Variants in DHX35 observed in about 807,000 individuals in gnomAD.
The protein encoded by DHX35 is DEAH-box helicase 35, also known as probable ATP-dependent RNA helicase DHX35.
A neutral mutation model predicts 99.6 loss-of-function variants in DHX35; 84 were observed. The ratio of observed to expected loss-of-function variants is 0.84; its 90% CI spans 0.71 to 1.01. The LOEUF (loss-of-function observed/expected upper bound fraction) is 1.01. Ranked by LOEUF, DHX35 falls within the 50% of genes least tolerant of loss-of-function variation. DHX35 has a pLI of 0.00. For synonymous variants in DHX35, 331 were observed against 316.2 expected, an observed-to-expected ratio of 1.05 and a Z score of -0.50; for missense variants, 852 against 888.5, an observed-to-expected ratio of 0.96 and a Z score of 0.52.
At chr20:39,010,111 T>C (rs997135455) in intron 12 of DHX35, among the ~76,000 whole-genome samples, 169 bp from the exon 13 acceptor site, 1 of 152,238 alleles carries the variant, frequency 6.6e-6, no homozygotes, top group African/African-American at 2.4e-5. Context: ...AAAAATAGAA[T>C]GGTCTTTCCT....
intron 18 of DHX35, among the ~76,000 whole-genome samples, chr20:39,028,117 G>C (rs1016486372): frequency 6.6e-6 from 1 of 152,204 alleles, no homozygotes; most frequent in African/African-American, 2.4e-5. Flanking sequence ...GCACTCTTAG[G>C]TTCTGGTGCC....
intron 1 of DHX35, among the ~76,000 whole-genome samples, chr20:38,965,074 T>G (rs919240782): frequency 2.7e-5 from 4 of 148,610 alleles, no homozygotes; most frequent in Non-Finnish European, 4.5e-5. Context: ...AATTAGAACT[T>G]TGGAGGCCTA....
chr20:39,026,386 A>G (rs1411582955), intron 18 of DHX35, among the ~76,000 whole-genome samples: 1 of 152,224 alleles, frequency 6.6e-6, no homozygotes, highest in Admixed American at 6.5e-5. Context: ...TTATACTAAG[A>G]GCAAGTGATT....
At chr20:38,969,017 AAACTT>A in intron 1 of DHX35, 59 bp from the exon 2 acceptor site, 1 of 1,488,152 alleles carries the variant, frequency 6.7e-7, no homozygotes, top group South Asian at 1.4e-5. Flanking sequence ...GAAAGTTTAT[AAACTT>A]AACACCTTTT....
At chr20:38,968,083 G>C (rs912395903) in intron 1 of DHX35, among the ~76,000 whole-genome samples, 1 of 152,202 alleles carries the variant, frequency 6.6e-6, no homozygotes, top group Admixed American at 6.5e-5. Context: ...GTGAGGGTAG[G>C]GCTGGCATCT....
Position 39,022,269 on chromosome 20 carries a change from A to T in DHX35, c.1593+334A>T, listed in dbSNP as rs369568777. ...GCACTCTGCCTCCCAGGTTCAAGTG[A>T]TGCTCCTGCCTCCCATGTAGCTAGG... is the stretch of plus-strand genomic sequence containing the variant. On this transcript the variant is annotated intron_variant, in intron 16 of 21. Transcript: ENST00000252011. 1.2e-4 allele frequency among the ~76,000 whole-genome samples: 18 copies of T among 152,130 alleles called. No individual in the cohort carries two copies. In the East Asian group the frequency reaches 2.5e-3, roughly 21 times the overall value.
At chr20:38,980,818 T>C (rs560828977) in intron 3 of DHX35, among the ~76,000 whole-genome samples, 41 of 152,322 alleles carry the variant, frequency 2.7e-4, no homozygotes, top group Non-Finnish European at 4.3e-4. Context: ...TCAGTTTTCT[T>C]ACTAAGGTTC....
At chr20:39,025,463 C>T in intron 18 of DHX35, 104 bp downstream of exon 18, 1 of 1,385,966 alleles carries the variant, frequency 7.2e-7, no homozygotes, top group Non-Finnish European at 9.8e-7. Flanking sequence ...GTGGCGTGCT[C>T]TGTACCAACA....
chr20:39,007,239 T>C (rs1313039399), intron 12 of DHX35, among the ~76,000 whole-genome samples: 1 of 152,236 alleles, frequency 6.6e-6, no homozygotes, highest in Non-Finnish European at 1.5e-5. Context: ...TGTTGATCTT[T>C]CTTTTAGCAG....
In DHX35 at chr20:39,005,713, A is replaced by G. The variant is rs1375783612; in HGVS notation, c.1012-433A>G. Among the ~76,000 whole-genome samples, 10 of 152,188 alleles carry G rather than the reference A, an allele frequency of 6.6e-5. 1 individual carries two copies. The highest frequency in any genetic ancestry group is 5.9e-4 in the Admixed American group (9 of 15,278). On this transcript the variant is annotated intron_variant, in intron 11 of 21. Coordinates refer to ENST00000252011, the MANE Select transcript of DHX35 (RefSeq NM_021931.4). Reference sequence around the variant, plus strand: ...TATCCTACATCCCAGCACCTTGAACAGTGCTTGGCAAAGTGCACACCCTCA... The same window carrying G: ...TATCCTACATCCCAGCACCTTGAACGGTGCTTGGCAAAGTGCACACCCTCA...
chr20:38,989,911 A>G (rs2086311811), intron 5 of DHX35, among the ~76,000 whole-genome samples: 1 of 152,224 alleles, frequency 6.6e-6, no homozygotes, highest in South Asian at 2.1e-4. Flanking sequence ...AATCTGATGA[A>G]ATGAAAATTG....
At chr20:38,973,412 A>T (rs957439111) in intron 3 of DHX35, among the ~76,000 whole-genome samples, 2 of 152,204 alleles carry the variant, frequency 1.3e-5, no homozygotes, top group African/African-American at 2.4e-5. Context: ...CAGCACCCAG[A>T]TCAAGAAGCA....
intron 1 of DHX35, 83 bp downstream of exon 1, chr20:38,962,490 G>A: frequency 1.3e-6 from 2 of 1,534,558 alleles, no homozygotes; most frequent in Non-Finnish European, 1.8e-6. Context: ...GGGGCCAGCA[G>A]ACCTGCTCGC....
chr20:38,980,468 A>C (rs182098104), intron 3 of DHX35, among the ~76,000 whole-genome samples: 123 of 151,692 alleles, frequency 8.1e-4, no homozygotes, highest in Non-Finnish European at 1.5e-3. Context: ...CCTGGCACTT[A>C]ATAAGGTACT....
At chr20:39,002,521 C>T (rs1434047680) in intron 9 of DHX35, among the ~76,000 whole-genome samples, 2 of 152,152 alleles carry the variant, frequency 1.3e-5, no homozygotes, top group African/African-American at 2.4e-5. Flanking sequence ...GATAGCACAT[C>T]TATTTGTATG....
At chr20:39,030,492 C>A in intron 19 of DHX35, 1 of 554,660 alleles carries the variant, frequency 1.8e-6, no homozygotes, top group Non-Finnish European at 3.2e-6. Context: ...TGCTTTTCTC[C>A]TCTTCGCTTT....
At chr20:39,000,502 G>A (rs891612118) in intron 8 of DHX35, among the ~76,000 whole-genome samples, 18 of 152,190 alleles carry the variant, frequency 1.2e-4, no homozygotes, top group African/African-American at 4.3e-4. Flanking sequence ...GTGGAATTCT[G>A]CATAGCAAAA....
chr20:39,018,330 G>T (rs1227060280), intron 14 of DHX35, among the ~76,000 whole-genome samples: 1 of 152,096 alleles, frequency 6.6e-6, no homozygotes, highest in Non-Finnish European at 1.5e-5. Context: ...AGAACCAGGA[G>T]AGTTGGGGGC....
chr20:39,014,590 G>A (rs1025115732), intron 13 of DHX35, among the ~76,000 whole-genome samples: 1 of 152,120 alleles, frequency 6.6e-6, no homozygotes, highest in Non-Finnish European at 1.5e-5. Flanking sequence ...TAAGGAAAAT[G>A]AAGAGGTAGT....
Sources: gnomAD v4.1 joint callset for allele counts (sites outside exome capture counted in the v4.1 genomes callset) on GRCh38, gnomAD v4.1.1 for gene constraint, MANE v1.5 for transcripts, NCBI Gene and HGNC (gene_info 2026-07-23, HGNC 2026-07-21) for gene names.